Variants in KCNC1 observed in about 807,000 individuals in gnomAD.
KCNC1 encodes the protein potassium voltage-gated channel subfamily C member 1.
A neutral mutation model predicts 43.4 loss-of-function variants in KCNC1; 8 were observed. The ratio of observed to expected loss-of-function variants is 0.18; its 90% CI spans 0.11 to 0.33. The LOEUF is 0.33. Among genes scored for constraint, KCNC1 ranks in the 10% least tolerant of loss-of-function variants. KCNC1 has a pLI of 1.00. For missense variants in KCNC1, 420 were observed against 836.0 expected, an observed-to-expected ratio of 0.50 and a Z score of 6.14; for synonymous variants, 361 against 360.5, an observed-to-expected ratio of 1.00 and a Z score of -0.01.
rs1448504214 is a variant in KCNC1 at position 17,736,413 on chromosome 11, C to T, written c.411C>T (p.Asp137=). The change falls in exon 1 of 4, where the codon GAC becomes GAT. Residue 137 remains aspartate (D), a synonymous_variant. Coordinates refer to ENST00000265969, the MANE Select transcript of KCNC1 (RefSeq NM_001112741.2). The surrounding 1 kb of genome is among the most constrained non-coding windows in gnomAD (Gnocchi z 9.3). ...ACAGCGCCGACGACGCGGACGCCGA[C>T]GGCCCTGGCGACTCGGGCGACGGCG... ...LDNSADDADA[D]GPGDSGDGED... 11 of 1,608,364 alleles carry T rather than the reference C, an allele frequency of 6.8e-6. No individual in the cohort carries two copies. Among genetic ancestry groups the T allele is most frequent in the African/African-American group, 4.0e-5 (3 of 74,804 alleles).
chr11:17,749,737 T>A (rs917960598), intron 1 of KCNC1, among the ~76,000 whole-genome samples: 1 of 152,102 alleles, frequency 6.6e-6, no homozygotes, highest in Admixed American at 6.5e-5. Context: ...CTGCTGAGGG[T>A]CAGTCCTATG....
chr11:17,738,953 T>C (rs1395763842), intron 1 of KCNC1, among the ~76,000 whole-genome samples: 1 of 152,146 alleles, frequency 6.6e-6, no homozygotes, highest in African/African-American at 2.4e-5. Flanking sequence ...CTGAGGCCCG[T>C]AGGAGGAGGG....
At chr11:17,741,366 G>A (rs957747511) in intron 1 of KCNC1, among the ~76,000 whole-genome samples, 10 of 152,174 alleles carry the variant, frequency 6.6e-5, no homozygotes, top group South Asian at 2.1e-4. Flanking sequence ...GGACAGCCCC[G>A]AACCACAGGG....
In KCNC1 at chr11:17,779,178, C is replaced by T. The variant is rs947260663; in HGVS notation, c.1505-278C>T. The stretch of plus-strand genomic sequence containing the variant: ...CCGGGGCCGGCCCCCAGCACCACAC[C>T]TGCTGGATCCATCACCAACTCATCT... On this transcript the variant is annotated intron_variant, in intron 2 of 3. Transcript: ENST00000265969. The surrounding 1 kb of genome is among the most constrained non-coding windows in gnomAD (Gnocchi z 7.2). 5.8e-5 allele frequency: 21 copies of T among 361,494 alleles called. No individual in the cohort carries two copies. The highest frequency in any genetic ancestry group is 4.0e-4 in the African/African-American group (19 of 48,098). The allele number at this position is 361,494 out of a possible 1,614,324, so 22.4% of individuals were successfully genotyped here.
At chr11:17,761,099 G>A (rs551625692) in intron 1 of KCNC1, among the ~76,000 whole-genome samples, 71 of 152,204 alleles carry the variant, frequency 4.7e-4, no homozygotes, top group African/African-American at 1.6e-3. Context: ...CCCTCACCTC[G>A]AGGACCATGT....
At chr11:17,741,977 G>GA (rs1291080197) in intron 1 of KCNC1, among the ~76,000 whole-genome samples, 2 of 152,202 alleles carry the variant, frequency 1.3e-5, no homozygotes, top group Non-Finnish European at 2.9e-5. Flanking sequence ...GAAGCTCTCT[G>GA]ATTTCTAATA....
chr11:17,742,664 A>T lies in KCNC1; in HGVS notation c.570+6092A>T, dbSNP rs77921399. Reference sequence around the variant, plus strand: ...AGGGACCACTTCACATATGCATGGGACTATTGCAGGGAATGGGTGCTCCCA... The same window carrying T: ...AGGGACCACTTCACATATGCATGGGTCTATTGCAGGGAATGGGTGCTCCCA... On this transcript the variant is annotated intron_variant, in intron 1 of 3. Coordinates refer to ENST00000265969, the MANE Select transcript of KCNC1 (RefSeq NM_001112741.2). This position sits in a 1 kb window ranked among gnomAD's most constrained non-coding sequence, Gnocchi z 4.2. 3.3e-5 allele frequency among the ~76,000 whole-genome samples: 5 copies of T among 152,306 alleles called. No homozygotes were observed. The East Asian group carries it at 9.6e-4, about 29-fold the overall frequency.
Position 17,781,584 on chromosome 11 carries a change from C to T in KCNC1, c.1694-86C>T. 2 of 963,170 alleles carry T rather than the reference C, an allele frequency of 2.1e-6. No homozygotes were observed. Among genetic ancestry groups the T allele is most frequent in the Non-Finnish European group, 3.2e-6 (2 of 619,834 alleles). 59.7% of individuals were successfully genotyped at this position (963,170 alleles called of 1,614,324 possible). On this transcript the variant is annotated intron_variant, in intron 3 of 3. Coordinates refer to ENST00000265969, the MANE Select transcript of KCNC1 (RefSeq NM_001112741.2). This position sits in a 1 kb window ranked among gnomAD's most constrained non-coding sequence, Gnocchi z 5.1. ...TCTGCATGCGGCTGTTCTGTCTTTC[C>T]TCCTCCTTCTTAAAAACTAAGTACC... is the stretch of plus-strand genomic sequence containing the variant.
chr11:17,768,384 T>G (rs1189569881), intron 1 of KCNC1, among the ~76,000 whole-genome samples: 2 of 152,058 alleles, frequency 1.3e-5, no homozygotes, highest in African/African-American at 2.4e-5. Flanking sequence ...GTTGGGTGCA[T>G]GCAGGGAGAG....
rs1565165878 is a variant in KCNC1 at position 17,783,020 on chromosome 11, C to G, written c.*1286C>G. ...CTCAACAACCTCCCCTCCCTGGGCC[C>G]TGGCCCCCAATAATAAAAAACTGAC... On this transcript the variant is annotated 3_prime_UTR_variant, in exon 4 of 4. Transcript: ENST00000265969. The G allele has an allele frequency of 6.6e-6, 1 of 152,244 alleles. No homozygotes were observed. The highest frequency in any genetic ancestry group is 2.4e-5 in the African/African-American group (1 of 41,450). The allele number at this position is 152,244 out of a possible 1,614,324, so 9.4% of individuals were successfully genotyped here. A position where few individuals can be genotyped will look rare whatever the true frequency, so the allele number is the denominator to read the frequency against.
At chr11:17,748,530 G>A (rs1590095625) in intron 1 of KCNC1, among the ~76,000 whole-genome samples, 1 of 152,144 alleles carries the variant, frequency 6.6e-6, no homozygotes, top group African/African-American at 2.4e-5. Flanking sequence ...CACGCTAGGG[G>A]CCCCCATACC....
At chr11:17,752,095 A>C (rs1375970018) in intron 1 of KCNC1, among the ~76,000 whole-genome samples, 2 of 152,162 alleles carry the variant, frequency 1.3e-5, no homozygotes, top group African/African-American at 4.8e-5. Context: ...ATGAACTCCA[A>C]GGCTTTAGTT....
At position 17,736,984 on chromosome 11, in the gene KCNC1, T is replaced by C. The variant is rs1257436582; in HGVS notation, c.570+412T>C. On this transcript the variant is annotated intron_variant, in intron 1 of 3. Transcript: ENST00000265969. The surrounding 1 kb of genome is among the most constrained non-coding windows in gnomAD (Gnocchi z 9.3). ...AGAGGTGCACTGTCAAAGTATGGAC[T>C]GCTCTCGAGATTTCAGTGTGGGGAG... 6.6e-6 allele frequency among the ~76,000 whole-genome samples: 1 copy of C among 152,234 alleles called. No homozygotes were observed. Among genetic ancestry groups the C allele is most frequent in the Non-Finnish European group, 1.5e-5 (1 of 68,036 alleles).
In KCNC1 at chr11:17,777,504, G is replaced by C. The variant is rs1335030857; in HGVS notation, c.1505-1952G>C. 1.1e-4 allele frequency: 111 copies of C among 985,850 alleles called. No individual in the cohort carries two copies. The highest frequency in any genetic ancestry group is 1.3e-4 in the Non-Finnish European group (110 of 830,024). The allele number at this position is 985,850 out of a possible 1,614,324, so 61.1% of individuals were successfully genotyped here. ...CCCAACACCCTCCTCCCTCAGCCCG[G>C]AGACCCTTGGATGGAAGACTGGGCC... is the stretch of plus-strand genomic sequence containing the variant. On this transcript the variant is annotated intron_variant, in intron 2 of 3. Coordinates refer to ENST00000265969, the MANE Select transcript of KCNC1 (RefSeq NM_001112741.2). The surrounding 1 kb of genome is among the most constrained non-coding windows in gnomAD (Gnocchi z 4.3).
intron 2 of KCNC1, among the ~76,000 whole-genome samples, chr11:17,778,259 G>A (rs1849306974): frequency 1.3e-5 from 2 of 152,164 alleles, no homozygotes; most frequent in South Asian, 2.1e-4. Context: ...CTCCGAGATC[G>A]CAGAGAGACA....
intron 1 of KCNC1, among the ~76,000 whole-genome samples, chr11:17,763,923 A>G (rs1849113558): frequency 7.7e-6 from 1 of 129,984 alleles, no homozygotes; most frequent in Non-Finnish European, 1.6e-5. Flanking sequence ...CCACACATGC[A>G]CATATACACG....
rs1213158633 is a variant in KCNC1, at chr11:17,776,452, G to T, written c.1505-3004G>T. On this transcript the variant is annotated intron_variant, in intron 2 of 3. Transcript: ENST00000265969. The surrounding 1 kb of genome is among the most constrained non-coding windows in gnomAD (Gnocchi z 4.4). ...TGTGAACAGTAAGTACTTTGGCGGT[G>T]CCTGGAGACCAGGGCAGAAAAGCCA... 2 of 985,334 alleles carry T rather than the reference G, an allele frequency of 2.0e-6. No homozygotes were observed. The highest frequency in any genetic ancestry group is 3.5e-5 in the African/African-American group (2 of 57,250). 61.0% of individuals were successfully genotyped at this position (985,334 alleles called of 1,614,324 possible). A position where few individuals can be genotyped will look rare whatever the true frequency, so the allele number is the denominator to read the frequency against.
chr11:17,764,127 A>G (rs1008512269), intron 1 of KCNC1, among the ~76,000 whole-genome samples: 3 of 132,072 alleles, frequency 2.3e-5, no homozygotes, highest in Non-Finnish European at 4.7e-5. Context: ...CTCCATAGAC[A>G]CACACACACC....
In KCNC1 at chr11:17,771,824, T is replaced by A; in HGVS notation, c.730T>A (p.Phe244Ile). 1 of 1,614,232 alleles carries A rather than the reference T, an allele frequency of 6.2e-7. No homozygotes were observed. The highest frequency in any genetic ancestry group is 1.6e-4 in the Middle Eastern group (1 of 6,062). The change falls in exon 2 of 4, where the codon TTC becomes ATC. Residue 244 changes from phenylalanine to isoleucine, a missense_variant. By Grantham distance (21) the Phe-to-Ile change is conservative. Coordinates refer to ENST00000265969, the MANE Select transcript of KCNC1 (RefSeq NM_001112741.2). This position sits in a 1 kb window ranked among gnomAD's most constrained non-coding sequence, Gnocchi z 4.7. ...RYYREAETEA[F>I]LTYIEGVCVV... ...CTACCGGGAGGCCGAGACGGAGGCC[T>A]TCCTTACCTACATCGAGGGCGTCTG... is the stretch of plus-strand genomic sequence containing the variant.
Sources: gnomAD v4.1 joint callset for allele counts (sites outside exome capture counted in the v4.1 genomes callset) on GRCh38, gnomAD v4.1.1 for gene constraint, Gnocchi (gnomAD v3.1) non-coding constraint, MANE v1.5 for transcripts, NCBI Gene and HGNC (gene_info 2026-07-23, HGNC 2026-07-21) for gene names.